IRAG1: variants seen among roughly 807,000 people sequenced by gnomAD.
The protein encoded by IRAG1 is IP3R-associated cGMP kinase substrate.
IRAG1 carries 62 observed loss-of-function variants against 106.2 expected under a neutral mutation model. The observed-to-expected ratio is 0.58, with a 90% confidence interval of 0.48 to 0.72. The LOEUF (loss-of-function observed/expected upper bound fraction) is 0.72, where lower values mean the gene tolerates loss of function less well. Among genes scored for constraint, IRAG1 ranks in the 30% least tolerant of loss-of-function variants. IRAG1 has a pLI of 0.00. For synonymous variants in IRAG1, 462 were observed against 443.9 expected, an observed-to-expected ratio of 1.04 and a Z score of -0.51; for missense variants, 1,064 against 1,140.7, an observed-to-expected ratio of 0.93 and a Z score of 0.97.
chr11:10,648,480 T>C (rs1858161831), intron 2 of IRAG1, among the ~76,000 whole-genome samples: 1 of 152,132 alleles, frequency 6.6e-6, no homozygotes, highest in Non-Finnish European at 1.5e-5. Flanking sequence ...GGTGACTGAG[T>C]GGGGCTCACG....
rs142269073 is a variant in IRAG1, at chr11:10,676,281, G to C, written c.67+17255C>G. Among the ~76,000 whole-genome samples, 1,359 of 152,368 alleles carry C rather than the reference G, an allele frequency of 8.9e-3. 24 individuals are homozygous for C. Among genetic ancestry groups the C allele is most frequent in the African/African-American group, 0.031 (1,290 of 41,586 alleles). ...GTGGGAGCTAACGGTTTCTCCGTCA[G>C]AATGGTTGAGAGGATGGCATGAGAT... On this transcript the variant is annotated intron_variant, in intron 1 of 20. Coordinates refer to ENST00000423302, the MANE Select transcript of IRAG1 (RefSeq NM_130385.4).
At chr11:10,625,179 T>C (rs1856145430) in intron 9 of IRAG1, among the ~76,000 whole-genome samples, 1 of 152,168 alleles carries the variant, frequency 6.6e-6, no homozygotes, top group African/African-American at 2.4e-5. Context: ...CTTCTTTTCT[T>C]CCCTGCCCCA....
At chr11:10,590,254 T>C (rs539320661) in intron 18 of IRAG1, among the ~76,000 whole-genome samples, 26 of 152,272 alleles carry the variant, frequency 1.7e-4, no homozygotes, top group Non-Finnish European at 2.1e-4. Flanking sequence ...CTCTTGACAA[T>C]TTCCCTGTAG....
At chr11:10,645,622 TTGCAGTGACACA>T (rs1857878276) in intron 2 of IRAG1, among the ~76,000 whole-genome samples, 1 of 152,250 alleles carries the variant, frequency 6.6e-6, no homozygotes, top group African/African-American at 2.4e-5. Flanking sequence ...GTCATTGCAC[TTGCAGTGACACA>T]TGTGGAAACT....
chr11:10,648,700 C>A (rs1384268457), intron 2 of IRAG1, among the ~76,000 whole-genome samples: 2 of 152,190 alleles, frequency 1.3e-5, no homozygotes, highest in Non-Finnish European at 2.9e-5. Flanking sequence ...AGGACATAGC[C>A]TTACAAAGTG....
intron 2 of IRAG1, among the ~76,000 whole-genome samples, chr11:10,648,925 G>C (rs773952572): frequency 1.3e-5 from 2 of 152,174 alleles, no homozygotes; most frequent in Non-Finnish European, 2.9e-5. Flanking sequence ...TGGGAAATAG[G>C]GGCTGGGACC....
intron 1 of IRAG1, among the ~76,000 whole-genome samples, chr11:10,680,540 G>GAA (rs149163071): frequency 0.1 from 8,924 of 85,198 alleles, 436 homozygotes; most frequent in African/African-American, 0.28. Context: ...AGGAAGGAAG[G>GAA]GGAAGGGGAA....
At chr11:10,678,800 T>C (rs1564941514) in intron 1 of IRAG1, among the ~76,000 whole-genome samples, 2 of 152,234 alleles carry the variant, frequency 1.3e-5, no homozygotes, top group African/African-American at 2.4e-5. Flanking sequence ...CTGGGGCAGA[T>C]TCTGCCTGTA....
At chr11:10,609,058 C>T (rs1854720983) in intron 11 of IRAG1, among the ~76,000 whole-genome samples, 1 of 152,264 alleles carries the variant, frequency 6.6e-6, no homozygotes, top group African/African-American at 2.4e-5. Flanking sequence ...GTCCCAGCAC[C>T]GTTTGTTAAA....
At chr11:10,687,840 A>G in intron 1 of IRAG1, 1 of 1,278,434 alleles carries the variant, frequency 7.8e-7, no homozygotes, top group Non-Finnish European at 1.0e-6. Context: ...TGCTAAGAAT[A>G]GACAGTGGGC....
chr11:10,691,187 C>T (rs1276838623), intron 1 of IRAG1, among the ~76,000 whole-genome samples: 1 of 152,176 alleles, frequency 6.6e-6, no homozygotes, highest in African/African-American at 2.4e-5. Flanking sequence ...CAACCCAGGG[C>T]CCTGTGTAAC....
At position 10,684,646 on chromosome 11, in the gene IRAG1, T is replaced by A. The variant is rs1032752882; in HGVS notation, c.67+8890A>T. Among the ~76,000 whole-genome samples the A allele has an allele frequency of 1.1e-4, 16 of 141,172 alleles. No individual in the cohort carries two copies. The East Asian group carries it at 2.4e-3, about 21-fold the overall frequency. The allele number at this position is 141,172 out of a possible 152,430, so 92.6% of individuals were successfully genotyped here. ...ATAATAATAATAATAATAATAATAA[T>A]AAAGAGAAAAGGCTGGCAAGTTCCT... On this transcript the variant is annotated intron_variant, in intron 1 of 20. Transcript: ENST00000423302.
rs1430908760 is a variant in IRAG1 at position 10,600,995 on chromosome 11, T to G, written c.1940A>C (p.Tyr647Ser). ...CATGAGCTCCGCATGGTCCTTCTCA[T>G]ACGTCCTCTTTAGATTCTCCACATA... ...MQYVENLKRT[Y>S]EKDHAELMEF... Residue 647 changes from tyrosine (Y) to serine (S), a missense_variant, in exon 15 of 21, where the codon TAT becomes TCT. By Grantham distance (144) the Tyr-to-Ser change is moderately radical (BLOSUM62 -2). Coordinates refer to ENST00000423302, the MANE Select transcript of IRAG1 (RefSeq NM_130385.4). 6.2e-7 allele frequency: 1 copy of G among 1,614,082 alleles called. No individual in the cohort carries two copies. The highest frequency in any genetic ancestry group is 8.5e-7 in the Non-Finnish European group (1 of 1,179,884).
chr11:10,642,825 A>T (rs1857617219), intron 2 of IRAG1, among the ~76,000 whole-genome samples: 1 of 152,154 alleles, frequency 6.6e-6, no homozygotes, highest in African/African-American at 2.4e-5. Context: ...CTTGGTAGAG[A>T]GGAGATCCAG....
chr11:10,676,332 G>A (rs960142669), intron 1 of IRAG1, among the ~76,000 whole-genome samples: 57 of 152,250 alleles, frequency 3.7e-4, no homozygotes, highest in African/African-American at 1.4e-3. Context: ...CACAGTCAGT[G>A]CTTTGGGGGG....
intron 10 of IRAG1, chr11:10,617,249 A>C: frequency 1.1e-6 from 1 of 925,490 alleles, no homozygotes; most frequent in Non-Finnish European, 1.3e-6. Context: ...CCATTTACTG[A>C]ACATCAACTA....
chr11:10,625,971 G>T lies in IRAG1; in HGVS notation c.1363C>A (p.Arg455=). Residue 455 remains arginine (R), a synonymous_variant, in exon 9 of 21, where the codon CGA becomes AGA. Coordinates refer to ENST00000423302, the MANE Select transcript of IRAG1 (RefSeq NM_130385.4). ...PVRMQKLTKL[R]EEHILMRNQN... ...ACTGGCCCCCAGGAACCCACCTCTCGGAGCTTGGTCAGTTTCTGCATCCGC... is the reference window on the plus strand; with the variant it reads ...ACTGGCCCCCAGGAACCCACCTCTCTGAGCTTGGTCAGTTTCTGCATCCGC... 2.0e-6 allele frequency: 3 copies of T among 1,473,162 alleles called. No individual in the cohort carries two copies. The highest frequency in any genetic ancestry group is 2.4e-5 in the East Asian group (1 of 42,038). 91.3% of individuals were successfully genotyped at this position (1,473,162 alleles called of 1,614,324 possible). A position where few individuals can be genotyped will look rare whatever the true frequency, so the allele number is the denominator to read the frequency against.
intron 1 of IRAG1, among the ~76,000 whole-genome samples, chr11:10,669,516 C>G (rs1008688384): frequency 2.9e-4 from 44 of 152,194 alleles, no homozygotes; most frequent in African/African-American, 1.0e-3. Flanking sequence ...TTTCTACTGC[C>G]TTTTCTTGAG....
chr11:10,648,145 C>T (rs1488358808), intron 2 of IRAG1, among the ~76,000 whole-genome samples: 3 of 152,186 alleles, frequency 2.0e-5, no homozygotes, highest in African/African-American at 4.8e-5. Context: ...GGGCAGATCA[C>T]TTGAGGCCAG....
Sources: gnomAD v4.1 joint callset for allele counts (sites outside exome capture counted in the v4.1 genomes callset) on GRCh38, gnomAD v4.1.1 for gene constraint, MANE v1.5 for transcripts, NCBI Gene and HGNC (gene_info 2026-07-23, HGNC 2026-07-21) for gene names.